DDX10: variants seen among roughly 807,000 people sequenced by gnomAD.
DDX10 encodes the protein probable ATP-dependent RNA helicase DDX10.
A neutral mutation model predicts 104.3 loss-of-function variants in DDX10; 74 were observed. The observed-to-expected ratio is 0.71, with a 90% CI of 0.59 to 0.86. The LOEUF is 0.86. Among genes scored for constraint, DDX10 ranks in the 40% least tolerant of loss-of-function variants. The probability of loss-of-function intolerance (pLI) is 0.00; values close to 1 mark genes in which losing one functional copy is unlikely to be tolerated. For missense variants in DDX10, 952 were observed against 1,040.0 expected (o/e 0.92, Z 1.16); for synonymous variants, 351 against 353.4 (o/e 0.99, Z 0.08).
intron 13 of DDX10, among the ~76,000 whole-genome samples, chr11:108,812,391 C>T (rs1862194853): frequency 6.6e-6 from 1 of 151,862 alleles, no homozygotes; most frequent in Non-Finnish European, 1.5e-5. Flanking sequence ...TTTTTTCGTT[C>T]TGAATTTTTT....
At chr11:108,841,239 A>G (rs1315412731) in intron 14 of DDX10, 76 bp from the exon 15 acceptor site, 3 of 1,278,718 alleles carry the variant, frequency 2.3e-6, no homozygotes, top group Non-Finnish European at 3.3e-6. Flanking sequence ...CCTTTTCAGA[A>G]TCATCAGACA....
chr11:108,813,349 C>T (rs1862212599), intron 13 of DDX10, among the ~76,000 whole-genome samples: 3 of 152,100 alleles, frequency 2.0e-5, no homozygotes, highest in African/African-American at 7.2e-5. Context: ...GTGAAGTTTA[C>T]CTTTACATGT....
At chr11:108,670,928 CGAGAAATAGGCATTACCA>C (rs1273938719) in intron 1 of DDX10, among the ~76,000 whole-genome samples, 2 of 151,986 alleles carry the variant, frequency 1.3e-5, no homozygotes, top group African/African-American at 4.8e-5. Context: ...TTCACTTTAG[CGAGAAATAGGCATTACCA>C]GAGAGTTGTG....
At chr11:108,836,358 A>G (rs1406637057) in intron 13 of DDX10, among the ~76,000 whole-genome samples, 1 of 152,238 alleles carries the variant, frequency 6.6e-6, no homozygotes, top group African/African-American at 2.4e-5. Flanking sequence ...CTTGTAGTTA[A>G]ATCATAATAT....
At chr11:108,877,744 A>T (rs1255715161) in intron 16 of DDX10, among the ~76,000 whole-genome samples, 1 of 152,226 alleles carries the variant, frequency 6.6e-6, no homozygotes, top group Non-Finnish European at 1.5e-5. Context: ...GAAGGCACTT[A>T]AATAGCTCCC....
intron 9 of DDX10, among the ~76,000 whole-genome samples, chr11:108,700,634 A>G (rs1160377475): frequency 6.6e-6 from 1 of 152,200 alleles, no homozygotes; most frequent in Non-Finnish European, 1.5e-5. Flanking sequence ...GACATCCTGT[A>G]GTTGTTCCAT....
intron 13 of DDX10, among the ~76,000 whole-genome samples, chr11:108,756,025 A>G (rs2094344054): frequency 6.6e-6 from 1 of 151,846 alleles, no homozygotes. Context: ...AGGAAAAGGT[A>G]AAAGGAAATA....
At chr11:108,703,390 C>T (rs1483565910) in intron 9 of DDX10, among the ~76,000 whole-genome samples, 5 of 151,750 alleles carry the variant, frequency 3.3e-5, no homozygotes, top group Non-Finnish European at 5.9e-5. Flanking sequence ...AGTGCAGTGG[C>T]GCGATCTCTG....
intron 15 of DDX10, among the ~76,000 whole-genome samples, chr11:108,850,573 C>A (rs1387575403): frequency 6.6e-6 from 1 of 151,974 alleles, no homozygotes; most frequent in African/African-American, 2.4e-5. Context: ...GCACAGAAGA[C>A]TGGCAAAATT....
intron 17 of DDX10, among the ~76,000 whole-genome samples, chr11:108,937,340 T>G (rs1250263115): frequency 6.6e-6 from 1 of 152,196 alleles, no homozygotes; most frequent in Non-Finnish European, 1.5e-5. Flanking sequence ...CTGAAAAAAT[T>G]AAAATGGTGA....
At chr11:108,834,624 A>G (rs1484157830) in intron 13 of DDX10, among the ~76,000 whole-genome samples, 1 of 152,072 alleles carries the variant, frequency 6.6e-6, no homozygotes, top group Non-Finnish European at 1.5e-5. Flanking sequence ...TTTATATTAC[A>G]GTGATCCCTT....
intron 5 of DDX10, among the ~76,000 whole-genome samples, chr11:108,678,921 G>C (rs1419019852): frequency 7.7e-6 from 1 of 130,088 alleles, no homozygotes; most frequent in African/African-American, 2.7e-5. Flanking sequence ...TCTGTTGCTA[G>C]GCTGGAGTAC....
chr11:108,899,584 T>A (rs1012266910), intron 16 of DDX10, among the ~76,000 whole-genome samples: 1 of 152,092 alleles, frequency 6.6e-6, no homozygotes, highest in Non-Finnish European at 1.5e-5. Context: ...TACCTTTGTG[T>A]CACCATAAAG....
At chr11:108,669,777 A>C (rs60861863) in intron 1 of DDX10, among the ~76,000 whole-genome samples, 5,157 of 152,244 alleles carry the variant, frequency 0.034, 286 homozygotes, top group African/African-American at 0.12. Context: ...TGGAAGAGGG[A>C]GGCGGAAGAG....
chr11:108,688,839 A>C (rs1487358306), intron 6 of DDX10, 97 bp from the exon 7 acceptor site: 19 of 1,349,428 alleles, frequency 1.4e-5, no homozygotes, highest in Non-Finnish European at 7.1e-6. Context: ...TTTGCTTGAG[A>C]GATGTGCCAC....
intron 16 of DDX10, among the ~76,000 whole-genome samples, chr11:108,897,324 A>G (rs1165430314): frequency 1.3e-5 from 2 of 152,188 alleles, no homozygotes; most frequent in Non-Finnish European, 2.9e-5. Context: ...AGGCCTGACA[A>G]CTGTGTGCCC....
At chr11:108,665,478 A>T (rs2094208931) in intron 1 of DDX10, 139 bp downstream of exon 1, 10 of 961,594 alleles carry the variant, frequency 1.0e-5, no homozygotes, top group Non-Finnish European at 1.5e-5. Context: ...CGGGTGCCAC[A>T]GCTCAAACCT....
chr11:108,905,921 C>T (rs927262613), intron 16 of DDX10, among the ~76,000 whole-genome samples: 1 of 152,074 alleles, frequency 6.6e-6, no homozygotes, highest in Non-Finnish European at 1.5e-5. Flanking sequence ...CACCAGATAT[C>T]GCAAAGACAG....
At chr11:108,845,093 A>T (rs1304582347) in intron 15 of DDX10, among the ~76,000 whole-genome samples, 6 of 152,078 alleles carry the variant, frequency 3.9e-5, no homozygotes, top group African/African-American at 1.4e-4. Context: ...CTGTAGTCCC[A>T]GCTACTCCGG....
Sources: allele counts gnomAD v4.1 joint callset (sites outside exome capture counted in the v4.1 genomes callset), GRCh38; gene constraint gnomAD v4.1.1; transcripts MANE v1.5; gene names NCBI Gene and HGNC (gene_info 2026-07-23, HGNC 2026-07-21).